Variants in MIB1 observed in about 807,000 individuals in gnomAD.
The protein encoded by MIB1 is E3 ubiquitin-protein ligase MIB1.
Under a neutral mutation model 124.5 loss-of-function variants are expected in MIB1, and 278 were observed. That is an observed-to-expected ratio of 2.23 (90% CI 2.02 to 2.47). MIB1 has a LOEUF of 2.47. Ranked by LOEUF, MIB1 falls within the 30% of genes most tolerant of loss-of-function variation. The probability of loss-of-function intolerance (pLI) is 0.00; values close to 1 mark genes in which losing one functional copy is unlikely to be tolerated. For synonymous variants in MIB1, 446 were observed against 429.4 expected (o/e 1.04, Z -0.48); for missense variants, 957 against 1,254.4 (o/e 0.76, Z 3.58).
intron 5 of MIB1, among the ~76,000 whole-genome samples, chr18:21,778,653 G>T (rs2041321335): frequency 6.6e-6 from 1 of 152,026 alleles, no homozygotes; most frequent in African/African-American, 2.4e-5. Flanking sequence ...ATTTATTGTT[G>T]CCTGGATGAA....
chr18:21,856,035 C>T (rs1328260727), intron 18 of MIB1, among the ~76,000 whole-genome samples: 1 of 150,838 alleles, frequency 6.6e-6, no homozygotes, highest in South Asian at 2.1e-4. Flanking sequence ...TCGAGACCAT[C>T]CTGGCTAACA....
Position 21,799,867 on chromosome 18 carries a change from T to TAA in MIB1, c.1264_1265insAA (p.Leu422Ter). Reference protein sequence around the residue: ...GERLSQLLKKLFETQESGDLN... With the variant: ...GERLSQLLKK ...AAGACTCTCACAACTCCTGAAGAAATTATTTGAAACCCAAGAATCTGGTGA... is the reference window on the plus strand; with the variant it reads ...AAGACTCTCACAACTCCTGAAGAAATAATATTTGAAACCCAAGAATCTGGTGA... The change falls in exon 9 of 21, where the codon TTA becomes TAATA. Residue 422 changes from leucine (L) to a stop codon, truncating the protein, a stop_gained and frameshift_variant. Transcript: ENST00000261537. LOFTEE classifies it high-confidence loss of function. 6.2e-7 allele frequency: 1 copy of TAA among 1,611,072 alleles called. No individual in the cohort carries two copies.
At chr18:21,852,120 T>C (rs995505983) in intron 17 of MIB1, among the ~76,000 whole-genome samples, 1 of 152,226 alleles carries the variant, frequency 6.6e-6, no homozygotes, top group African/African-American at 2.4e-5. Context: ...CTTTATTGTT[T>C]AGATAAATAA....
At chr18:21,863,543 C>T (rs182080733) in intron 20 of MIB1, among the ~76,000 whole-genome samples, 34 of 152,224 alleles carry the variant, frequency 2.2e-4, no homozygotes, top group Non-Finnish European at 4.0e-4. Flanking sequence ...TGAAGTTAAG[C>T]CATCTCTCCT....
At chr18:21,797,104 T>C (rs904153523) in intron 7 of MIB1, among the ~76,000 whole-genome samples, 21 of 152,182 alleles carry the variant, frequency 1.4e-4, no homozygotes, top group Non-Finnish European at 3.1e-4. Flanking sequence ...TTTTGTGATA[T>C]GTAACTATTG....
intron 1 of MIB1, among the ~76,000 whole-genome samples, chr18:21,734,457 C>A (rs1345436588): frequency 2.1e-5 from 3 of 141,780 alleles, no homozygotes; most frequent in Non-Finnish European, 4.5e-5. Flanking sequence ...GGACTCTTTT[C>A]TTTTCTTTCT....
chr18:21,712,158 A>C (rs1455322390), intron 1 of MIB1: 1 of 156,292 alleles, frequency 6.4e-6, no homozygotes, highest in East Asian at 1.8e-4. Context: ...TGTACCTGAA[A>C]CAACAGACCT....
At chr18:21,798,791 T>A (rs2041615755) in intron 8 of MIB1, among the ~76,000 whole-genome samples, 1 of 152,108 alleles carries the variant, frequency 6.6e-6, no homozygotes, top group Non-Finnish European at 1.5e-5. Flanking sequence ...TGCTCCAGCT[T>A]TGTATACACA....
At chr18:21,784,176 G>A (rs2041406236) in intron 6 of MIB1, among the ~76,000 whole-genome samples, 3 of 151,536 alleles carry the variant, frequency 2.0e-5, no homozygotes, top group African/African-American at 4.9e-5. Context: ...AGCCTCCCGC[G>A]TAGCTGGGAC....
chr18:21,860,745 A>C (rs1316254637), intron 20 of MIB1, among the ~76,000 whole-genome samples: 1 of 152,114 alleles, frequency 6.6e-6, no homozygotes, highest in Non-Finnish European at 1.5e-5. Flanking sequence ...ACTAATTAAG[A>C]ATTGGTCAGT....
chr18:21,708,122 A>T (rs754863352), intron 1 of MIB1, among the ~76,000 whole-genome samples: 5 of 152,158 alleles, frequency 3.3e-5, no homozygotes, highest in Non-Finnish European at 7.3e-5. Context: ...GGGCTCCAAC[A>T]TGTGAAGGTG....
chr18:21,721,862 A>G (rs953816512), intron 1 of MIB1, among the ~76,000 whole-genome samples: 1 of 152,190 alleles, frequency 6.6e-6, no homozygotes, highest in Non-Finnish European at 1.5e-5. Flanking sequence ...AATATCTTAC[A>G]TTACTGTGGA....
intron 6 of MIB1, among the ~76,000 whole-genome samples, chr18:21,785,570 A>G (rs759130249): frequency 1.3e-5 from 2 of 152,180 alleles, no homozygotes; most frequent in Non-Finnish European, 2.9e-5. Context: ...GATATTGCCT[A>G]TCTCTTAACT....
At chr18:21,855,278 C>G (rs1169767779) in intron 18 of MIB1, among the ~76,000 whole-genome samples, 1 of 152,176 alleles carries the variant, frequency 6.6e-6, no homozygotes, top group Non-Finnish European at 1.5e-5. Context: ...GTCCAGTACC[C>G]CCATCGCAGT....
At chr18:21,809,383 G>T (rs2041744916) in intron 10 of MIB1, among the ~76,000 whole-genome samples, 1 of 152,032 alleles carries the variant, frequency 6.6e-6, no homozygotes, top group Non-Finnish European at 1.5e-5. Flanking sequence ...AAATTAGAGA[G>T]GAGGGAAGAC....
chr18:21,720,490 A>AAT (rs1176016962), intron 1 of MIB1, among the ~76,000 whole-genome samples: 1 of 149,042 alleles, frequency 6.7e-6, no homozygotes, highest in Non-Finnish European at 1.5e-5. Flanking sequence ...ATTTTCAAAT[A>AAT]ATTTTTTTTT....
intron 12 of MIB1, among the ~76,000 whole-genome samples, chr18:21,835,774 A>G (rs1352611462): frequency 3.6e-5 from 2 of 55,566 alleles, no homozygotes; most frequent in African/African-American, 3.4e-4. Flanking sequence ...CATCTCAAGA[A>G]AAAAAAAAAA....
chr18:21,781,365 T>TTATATATATATATATA (rs57641355), intron 6 of MIB1, among the ~76,000 whole-genome samples: 10 of 67,246 alleles, frequency 1.5e-4, no homozygotes, highest in East Asian at 3.5e-4. Context: ...TCTGTTCAAG[T>TTATATATATATATATA]TATATATATA....
At chr18:21,757,520 T>C (rs527809770) in intron 1 of MIB1, among the ~76,000 whole-genome samples, 1 of 134,340 alleles carries the variant, frequency 7.4e-6, no homozygotes, top group East Asian at 2.7e-4. Flanking sequence ...GGTCTTACTC[T>C]GTCTCCCAGG....
Sources: allele counts gnomAD v4.1 joint callset (sites outside exome capture counted in the v4.1 genomes callset), GRCh38; gene constraint gnomAD v4.1.1; transcripts MANE v1.5; gene names NCBI Gene and HGNC (gene_info 2026-07-23, HGNC 2026-07-21).